Variants in CALN1 observed in about 807,000 individuals in gnomAD.
CALN1 encodes calcium-binding protein 8.
Under a neutral mutation model 30.6 loss-of-function variants are expected in CALN1, and 17 were observed. The ratio of observed to expected loss-of-function variants is 0.56; its 90% CI spans 0.38 to 0.83. CALN1 has a LOEUF of 0.83. CALN1 is among the 40% of genes least tolerant of loss of function. The probability of loss-of-function intolerance (pLI) is 0.00; values close to 1 mark genes in which losing one functional copy is unlikely to be tolerated. For synonymous variants in CALN1, 156 were observed against 131.4 expected, an observed-to-expected ratio of 1.19 and a Z score of -1.28; for missense variants, 291 against 354.9, an observed-to-expected ratio of 0.82 and a Z score of 1.45.
chr7:72,399,017 T>C (rs1806163221), intron 2 of CALN1, among the ~76,000 whole-genome samples: 1 of 152,044 alleles, frequency 6.6e-6, no homozygotes, highest in Non-Finnish European at 1.5e-5. Context: ...CAGGGCTTCC[T>C]TGCTTCACTC....
chr7:72,465,477 CTG>C, the CALN1 span, among the ~76,000 whole-genome samples: 1 of 152,118 alleles, frequency 6.6e-6, no homozygotes, highest in Admixed American at 6.6e-5. Context: ...AAGACGTGGC[CTG>C]TGTGTGTTTG....
At chr7:72,406,154 G>A (rs918616034) in intron 1 of CALN1, among the ~76,000 whole-genome samples, 1 of 152,192 alleles carries the variant, frequency 6.6e-6, no homozygotes, top group Non-Finnish European at 1.5e-5. Context: ...ATAGCCAGAA[G>A]CCGTCTCTCC....
chr7:72,374,564 A>G (rs554642011), intron 2 of CALN1, among the ~76,000 whole-genome samples: 2 of 151,776 alleles, frequency 1.3e-5, no homozygotes, highest in Admixed American at 6.6e-5. Flanking sequence ...AAAAGAAAAA[A>G]AAAACAGAAA....
chr7:71,983,425 G>C (rs1260289723), intron 5 of CALN1, among the ~76,000 whole-genome samples: 1 of 152,166 alleles, frequency 6.6e-6, no homozygotes, highest in Non-Finnish European at 1.5e-5. Context: ...GAGTCCAACA[G>C]TGTCTCTATT....
At chr7:72,007,626 T>A (rs1269741610) in intron 5 of CALN1, among the ~76,000 whole-genome samples, 1 of 152,202 alleles carries the variant, frequency 6.6e-6, no homozygotes, top group African/African-American at 2.4e-5. Flanking sequence ...TTAATGCCTA[T>A]CTTTCTCCTA....
At chr7:72,142,413 C>T (rs770185383) in intron 3 of CALN1, among the ~76,000 whole-genome samples, 18 of 152,282 alleles carry the variant, frequency 1.2e-4, no homozygotes, top group African/African-American at 2.6e-4. Flanking sequence ...AACGCGGCAG[C>T]GAGCTGGGGG....
rs748192744 is a variant in CALN1, at chr7:71,810,367, G to A, written c.627C>T (p.Thr209=). The change falls in exon 6 of 7, where the codon ACC becomes ACT. Residue 209 remains threonine, a synonymous_variant. Coordinates refer to ENST00000395275, the MANE Select transcript of CALN1 (RefSeq NM_031468.4). ...CAAACTCTGTTTGGCAGTTCCCCGA[G>A]GTCTCATTCAGGCTCTCTTCCTCAT... The part of the protein sequence containing the change: ...IINEEESLNE[T]SGNCQTEFEG... The A allele has an allele frequency of 1.9e-5, 31 of 1,614,064 alleles. No individual in the cohort carries two copies. The African/African-American group carries it at 3.3e-4, about 17-fold the overall frequency.
At chr7:71,959,441 G>C (rs1010374835) in intron 5 of CALN1, among the ~76,000 whole-genome samples, 4 of 152,044 alleles carry the variant, frequency 2.6e-5, no homozygotes, top group African/African-American at 9.7e-5. Context: ...TTGAGGAAAG[G>C]AAAATGGGCT....
chr7:72,393,988 C>T (rs1182480601), intron 2 of CALN1, among the ~76,000 whole-genome samples: 2 of 152,154 alleles, frequency 1.3e-5, no homozygotes, highest in Non-Finnish European at 2.9e-5. Flanking sequence ...AAAAGAATCA[C>T]ATAGGAAGTA....
intron 3 of CALN1, among the ~76,000 whole-genome samples, chr7:72,177,411 T>C (rs1789436068): frequency 1.3e-5 from 2 of 152,152 alleles, no homozygotes; most frequent in African/African-American, 4.8e-5. Context: ...TGTTAATTAA[T>C]TTTTGATTAT....
At position 72,385,296 on chromosome 7, in the gene CALN1, G is replaced by A. The variant is rs189464888; in HGVS notation, c.119+17955C>T. ...CATGATTCAGCAAACAGGGTCTCAG[G>A]TATTTACTCAACTCATTTGAAAACA... On this transcript the variant is annotated intron_variant, in intron 2 of 6. Coordinates refer to ENST00000395275, the MANE Select transcript of CALN1 (RefSeq NM_031468.4). 2.2e-3 allele frequency among the ~76,000 whole-genome samples: 336 copies of A among 152,200 alleles called. 2 individuals carry two copies. The highest frequency in any genetic ancestry group is 0.012 in the South Asian group (58 of 4,816).
At chr7:72,327,090 AT>A (rs1801331351) in intron 2 of CALN1, among the ~76,000 whole-genome samples, 1 of 152,200 alleles carries the variant, frequency 6.6e-6, no homozygotes, top group Non-Finnish European at 1.5e-5. Flanking sequence ...GTGGCAGTTA[AT>A]TCCTGACAAT....
At chr7:71,851,573 T>C (rs1287485515) in intron 5 of CALN1, among the ~76,000 whole-genome samples, 1 of 151,564 alleles carries the variant, frequency 6.6e-6, no homozygotes, top group East Asian at 1.9e-4. Context: ...TACACACACA[T>C]ATATATATTC....
chr7:72,375,957 T>C lies in CALN1; in HGVS notation c.119+27294A>G, dbSNP rs184884781. Reference sequence around the variant, plus strand: ...CCAAACACTTATCTACATTTCACCTTGATGGGTTTGCCTATTCTAGATATA... The same window carrying C: ...CCAAACACTTATCTACATTTCACCTCGATGGGTTTGCCTATTCTAGATATA... On this transcript the variant is annotated intron_variant, in intron 2 of 6. Coordinates refer to ENST00000395275, the MANE Select transcript of CALN1 (RefSeq NM_031468.4). Among the ~76,000 whole-genome samples, 229 of 152,350 alleles carry C rather than the reference T, an allele frequency of 1.5e-3. 1 individual carries two copies. Among genetic ancestry groups the C allele is most frequent in the Non-Finnish European group, 9.8e-4 (67 of 68,022 alleles).
At chr7:72,173,437 T>C (rs1179299472) in intron 3 of CALN1, among the ~76,000 whole-genome samples, 1 of 152,154 alleles carries the variant, frequency 6.6e-6, no homozygotes, top group African/African-American at 2.4e-5. Flanking sequence ...ACCAGACTTA[T>C]GCAGACATTG....
chr7:72,402,868 G>A (rs1055173574), intron 2 of CALN1, among the ~76,000 whole-genome samples: 3 of 152,212 alleles, frequency 2.0e-5, no homozygotes, highest in East Asian at 1.9e-4. Context: ...TCCTCCTGTC[G>A]AAACGAGATT....
intron 3 of CALN1, among the ~76,000 whole-genome samples, chr7:72,181,193 T>C (rs891873779): frequency 3.4e-5 from 5 of 148,348 alleles, no homozygotes; most frequent in Non-Finnish European, 7.4e-5. Flanking sequence ...TATATATGTA[T>C]GTATTGTTAG....
At chr7:72,418,314 T>C (rs1807490413) in intron 1 of CALN1, among the ~76,000 whole-genome samples, 1 of 152,234 alleles carries the variant, frequency 6.6e-6, no homozygotes, top group Non-Finnish European at 1.5e-5. Context: ...TTTTCATGAC[T>C]GTGTAGTATT....
chr7:72,364,496 A>G (rs781719415), intron 2 of CALN1, among the ~76,000 whole-genome samples: 1 of 152,216 alleles, frequency 6.6e-6, no homozygotes, highest in Non-Finnish European at 1.5e-5. Flanking sequence ...AGGAAGCTTC[A>G]TAAGGAAAGG....
Sources: allele counts gnomAD v4.1 joint callset (sites outside exome capture counted in the v4.1 genomes callset), GRCh38; gene constraint gnomAD v4.1.1; transcripts MANE v1.5; gene names NCBI Gene and HGNC (gene_info 2026-07-23, HGNC 2026-07-21).